Variants in TLN2 observed in about 807,000 individuals in gnomAD.
TLN2 encodes talin-2.
Under a neutral mutation model 294.7 loss-of-function variants are expected in TLN2, and 118 were observed. The observed-to-expected ratio is 0.40, with a 90% CI of 0.34 to 0.47. TLN2 has a LOEUF of 0.47. Ranked by LOEUF, TLN2 falls within the 20% of genes least tolerant of loss-of-function variation. The pLI is 0.84. For synonymous variants in TLN2, 1,431 were observed against 1,304.5 expected (o/e 1.10, Z -2.09); for missense variants, 3,083 against 3,282.2 (o/e 0.94, Z 1.48).
chr15:62,581,552 C>T (rs902605000), intron 1 of TLN2, among the ~76,000 whole-genome samples: 1 of 152,092 alleles, frequency 6.6e-6, no homozygotes, highest in African/African-American at 2.4e-5. Flanking sequence ...CACGTTTGTG[C>T]TCTTAGGGTT....
At chr15:62,685,199 A>G (rs908169253) in intron 11 of TLN2, among the ~76,000 whole-genome samples, 2 of 152,066 alleles carry the variant, frequency 1.3e-5, no homozygotes, top group African/African-American at 4.8e-5. Context: ...TAGGCCCTAT[A>G]TTCTGTTTTT....
At chr15:62,675,360 C>G in intron 11 of TLN2, 39 bp downstream of exon 11, 2 of 1,595,634 alleles carry the variant, frequency 1.3e-6, no homozygotes, top group Non-Finnish European at 1.7e-6. Flanking sequence ...CACCTTGGCC[C>G]CTTCTTTTTT....
rs761751298 is a variant in TLN2, at chr15:62,702,150, G to A, written c.1855G>A (p.Ala619Thr). The A allele has an allele frequency of 2.1e-5, 34 of 1,612,706 alleles. No homozygotes were observed. In the South Asian group the frequency reaches 3.6e-4, roughly 17 times the overall value. ...CTTGCTCAGAGCTGCCAGGACCCTC[G>A]CTGGGGCGGTGTCAGACTTGCTGAA... Reference protein sequence around the residue: ...EDLLRAARTLAGAVSDLLKAV... With the variant: ...EDLLRAARTLTGAVSDLLKAV... The change falls in exon 18 of 59, where the codon GCT becomes ACT. Residue 619 changes from alanine (A) to threonine (T), a missense_variant. Coordinates refer to ENST00000636159, the MANE Select transcript of TLN2 (RefSeq NM_015059.3).
chr15:62,839,265 A>T (rs1314340462), intron 58 of TLN2, among the ~76,000 whole-genome samples: 2 of 152,214 alleles, frequency 1.3e-5, no homozygotes, highest in Admixed American at 1.3e-4. Context: ...CGTAAGCTGC[A>T]GGCATTACGT....
chr15:62,544,837 A>C (rs2041900289), intron 1 of TLN2, among the ~76,000 whole-genome samples: 1 of 147,666 alleles, frequency 6.8e-6, no homozygotes. Flanking sequence ...AGCTAACTTT[A>C]TTCTTAGTTT....
chr15:62,683,950 C>CTGA (rs2057081051), intron 11 of TLN2: 1 of 152,288 alleles, frequency 6.6e-6, no homozygotes, highest in Non-Finnish European at 1.5e-5. Context: ...CCTTGCATCA[C>CTGA]GATCACAGAT....
intron 3 of TLN2, among the ~76,000 whole-genome samples, chr15:62,629,031 T>TA (rs1437719699): frequency 6.6e-6 from 1 of 151,786 alleles, no homozygotes; most frequent in South Asian, 2.1e-4. Flanking sequence ...ATCCTGTCTC[T>TA]AAAAAAAATT....
In TLN2 at chr15:62,421,443, G is replaced by A. The variant is rs147375538; in HGVS notation, c.-238+30758G>A. ...GTACATATGAAGGAAAACAACTTGA[G>A]GTTGTATAAGGAACTTAAAATGAGT... On this transcript the variant is annotated intron_variant, in intron 1 of 58. Transcript: ENST00000636159. Among the ~76,000 whole-genome samples, 225 of 152,242 alleles carry A rather than the reference G, an allele frequency of 1.5e-3. 1 individual carries two copies. The highest frequency in any genetic ancestry group is 2.4e-3 in the Non-Finnish European group (162 of 68,022).
At chr15:62,752,964 A>G (rs2062018614) in intron 35 of TLN2, among the ~76,000 whole-genome samples, 1 of 152,208 alleles carries the variant, frequency 6.6e-6, no homozygotes. Context: ...ATCATTTGAC[A>G]GTTACCTTGA....
At chr15:62,744,609 C>T (rs533873003) in intron 32 of TLN2, among the ~76,000 whole-genome samples, 2 of 151,974 alleles carry the variant, frequency 1.3e-5, no homozygotes, top group African/African-American at 2.4e-5. Flanking sequence ...TGCAGAGGCG[C>T]GATCTCGGCT....
intron 12 of TLN2, among the ~76,000 whole-genome samples, chr15:62,691,565 T>C (rs575927994): frequency 2.0e-5 from 3 of 152,342 alleles, no homozygotes; most frequent in South Asian, 2.1e-4. Flanking sequence ...ATAATTCCAA[T>C]ATCTGATTTA....
chr15:62,395,139 A>C (rs1387873073), intron 1 of TLN2, among the ~76,000 whole-genome samples: 2 of 148,208 alleles, frequency 1.3e-5, no homozygotes, highest in African/African-American at 5.0e-5. Flanking sequence ...TGCTGAGAAG[A>C]CATCCCCTGC....
chr15:62,693,955 C>CTTTTTTTTTTTT (rs71131123), intron 13 of TLN2, among the ~76,000 whole-genome samples: 2 of 94,228 alleles, frequency 2.1e-5, no homozygotes, highest in African/African-American at 8.0e-5. Context: ...GATTTTCTTT[C>CTTTTTTTTTTTT]TTTTTTTTTT....
At chr15:62,512,612 A>T (rs1390656461) in intron 1 of TLN2, among the ~76,000 whole-genome samples, 1 of 152,186 alleles carries the variant, frequency 6.6e-6, no homozygotes, top group Non-Finnish European at 1.5e-5. Context: ...CTTTCTTCTC[A>T]TGGATGGTAT....
At chr15:62,719,092 A>G (rs1373752795) in intron 24 of TLN2, among the ~76,000 whole-genome samples, 3 of 152,192 alleles carry the variant, frequency 2.0e-5, no homozygotes, top group Non-Finnish European at 4.4e-5. Context: ...CTCATTAACC[A>G]GAGAAGGAGG....
Position 62,819,582 on chromosome 15 carries a change from G to T in TLN2, c.6838G>T (p.Ala2280Ser), listed in dbSNP as rs143218219. ...LAAFSKRVAG[A>S]VTELIQAAEA... ...CGCTTTCTCCAAGCGAGTCGCCGGC[G>T]CTGTGACAGAGCTCATCCAGGCGGC... Residue 2280 changes from alanine to serine, a missense_variant, in exon 53 of 59, where the codon GCT becomes TCT. By Grantham distance (99) the Ala-to-Ser change is moderately conservative. Coordinates refer to ENST00000636159, the MANE Select transcript of TLN2 (RefSeq NM_015059.3). 1 of 1,612,996 alleles carries T rather than the reference G, an allele frequency of 6.2e-7. No homozygotes were observed. The highest frequency in any genetic ancestry group is 8.5e-7 in the Non-Finnish European group (1 of 1,180,010).
intron 3 of TLN2, among the ~76,000 whole-genome samples, chr15:62,641,641 AAATAAT>A (rs2051122487): frequency 8.6e-6 from 1 of 116,492 alleles, no homozygotes; most frequent in Non-Finnish European, 1.9e-5. Context: ...AATAAAAAAA[AAATAAT>A]AATAACAAGC....
At chr15:62,563,978 T>C (rs2043182777) in intron 1 of TLN2, among the ~76,000 whole-genome samples, 2 of 152,360 alleles carry the variant, frequency 1.3e-5, no homozygotes, top group East Asian at 3.9e-4. Flanking sequence ...GCCCAGCATA[T>C]AGCCGAGTGC....
In TLN2 at chr15:62,480,556, A is replaced by G. The variant is rs201267243; in HGVS notation, c.-238+89871A>G. ...TCTTTAAAATGTCTTCTTATTTTAC[A>G]AAGTTAGAAAAGTAATTTACAACCT... On this transcript the variant is annotated intron_variant, in intron 1 of 58. Coordinates refer to ENST00000636159, the MANE Select transcript of TLN2 (RefSeq NM_015059.3). Among the ~76,000 whole-genome samples, 3 of 152,202 alleles carry G rather than the reference A, an allele frequency of 2.0e-5. No homozygotes were observed. The East Asian group carries it at 5.8e-4, about 29-fold the overall frequency.
Sources: gnomAD v4.1 joint callset for allele counts (sites outside exome capture counted in the v4.1 genomes callset) on GRCh38, gnomAD v4.1.1 for gene constraint, MANE v1.5 for transcripts, NCBI Gene and HGNC (gene_info 2026-07-23, HGNC 2026-07-21) for gene names.